The following FARS2 variants were observed in gnomAD, a reference collection of about 807,000 sequenced individuals.
FARS2 encodes phenylalanyl-tRNA synthetase 2, mitochondrial.
FARS2 carries 40 observed loss-of-function variants against 46.4 expected under a neutral mutation model. That is an observed-to-expected ratio of 0.86 (90% CI 0.67 to 1.12). FARS2 has a LOEUF of 1.12. Among genes scored for constraint, FARS2 ranks in the 50% most tolerant of loss-of-function variants. The pLI, the probability that FARS2 is intolerant of heterozygous loss-of-function variation, is 0.00. For missense variants in FARS2, 513 were observed against 567.9 expected (o/e 0.90, Z 0.98); for synonymous variants, 234 against 214.9 (o/e 1.09, Z -0.78).
chr6:5,611,346 C>A (rs940434968), intron 5 of FARS2, among the ~76,000 whole-genome samples: 1 of 152,098 alleles, frequency 6.6e-6, no homozygotes, highest in Non-Finnish European at 1.5e-5. Context: ...TACAGAACGT[C>A]GGAAAGAGGT....
rs545865290 is a variant in FARS2 at position 5,354,809 on chromosome 6, G to A, written c.-21-13741G>A. ...ATTACAGGTGTGAGCCACCGCGCCCGGCCTATGCTAGTGGTTTTCAAGCCG... is the reference window on the plus strand; with the variant it reads ...ATTACAGGTGTGAGCCACCGCGCCCAGCCTATGCTAGTGGTTTTCAAGCCG... On this transcript the variant is annotated intron_variant, in intron 1 of 6. Coordinates refer to ENST00000274680, the MANE Select transcript of FARS2 (RefSeq NM_006567.5). 5.8e-4 allele frequency among the ~76,000 whole-genome samples: 88 copies of A among 152,086 alleles called. 1 individual carries two copies. In the South Asian group the frequency reaches 0.017, roughly 29 times the overall value.
intron 4 of FARS2, among the ~76,000 whole-genome samples, chr6:5,528,649 C>A (rs10458088): frequency 0.12 from 18,875 of 152,166 alleles, 1,260 homozygotes; most frequent in East Asian, 0.21. Flanking sequence ...ACATCCACTC[C>A]AGAGTTTGGA....
chr6:5,269,827 TAGA>T (rs1394051395), intron 1 of FARS2, among the ~76,000 whole-genome samples: 5 of 152,240 alleles, frequency 3.3e-5, no homozygotes, highest in African/African-American at 1.2e-4. Context: ...TTATTAACAA[TAGA>T]AGATATACAG....
chr6:5,407,043 TTATATATA>T (rs201074448), intron 3 of FARS2, among the ~76,000 whole-genome samples: 7 of 83,904 alleles, frequency 8.3e-5, no homozygotes, highest in East Asian at 4.9e-4. Context: ...AGGTGGCAAA[TTATATATA>T]TATATATATA....
chr6:5,339,166 T>A (rs557433235), intron 1 of FARS2, among the ~76,000 whole-genome samples: 3 of 152,196 alleles, frequency 2.0e-5, no homozygotes, highest in Non-Finnish European at 4.4e-5. Flanking sequence ...GCTATACTAC[T>A]CTGTCAGTAT....
intron 6 of FARS2, among the ~76,000 whole-genome samples, chr6:5,723,760 A>G (rs1760063690): frequency 6.6e-6 from 1 of 152,244 alleles, no homozygotes; most frequent in Non-Finnish European, 1.5e-5. Context: ...TTTATCTTAT[A>G]TGATTGTTCT....
intron 4 of FARS2, among the ~76,000 whole-genome samples, chr6:5,525,597 T>C (rs536859387): frequency 9.2e-5 from 14 of 152,302 alleles, no homozygotes; most frequent in African/African-American, 3.4e-4. Context: ...TAAAGAAAAC[T>C]GTGTGAGTGT....
chr6:5,269,494 AG>A (rs1765797467), intron 1 of FARS2, among the ~76,000 whole-genome samples: 1 of 151,770 alleles, frequency 6.6e-6, no homozygotes. Flanking sequence ...AAAAAAAAAA[AG>A]AGAAAAGAAG....
intron 4 of FARS2, among the ~76,000 whole-genome samples, chr6:5,454,652 T>A (rs1764726813): frequency 6.6e-6 from 1 of 152,158 alleles, no homozygotes; most frequent in Non-Finnish European, 1.5e-5. Context: ...CCTTGTTTTT[T>A]AAGGAATAAT....
At chr6:5,323,024 A>G (rs1222567340) in intron 1 of FARS2, among the ~76,000 whole-genome samples, 2 of 152,200 alleles carry the variant, frequency 1.3e-5, no homozygotes, top group Non-Finnish European at 2.9e-5. Context: ...TTTGGAAGCA[A>G]CTAATGCATT....
chr6:5,586,536 A>T (rs1773621755), intron 5 of FARS2, among the ~76,000 whole-genome samples: 1 of 152,174 alleles, frequency 6.6e-6, no homozygotes, highest in African/African-American at 2.4e-5. Flanking sequence ...CCCAGGGAGA[A>T]ATTCCACTTG....
intron 5 of FARS2, among the ~76,000 whole-genome samples, chr6:5,565,948 T>C (rs1329429652): frequency 1.3e-5 from 2 of 152,240 alleles, no homozygotes; most frequent in East Asian, 3.8e-4. Flanking sequence ...CCCCAATTCG[T>C]TTACATGAAA....
At chr6:5,399,274 A>G (rs1412011910) in intron 2 of FARS2, among the ~76,000 whole-genome samples, 1 of 151,458 alleles carries the variant, frequency 6.6e-6, no homozygotes, top group Non-Finnish European at 1.5e-5. Flanking sequence ...TCCCGGGTTC[A>G]AGTGATTCTC....
At chr6:5,274,139 A>G (rs74399236) in intron 1 of FARS2, among the ~76,000 whole-genome samples, 3,063 of 152,320 alleles carry the variant, frequency 0.02, 91 homozygotes, top group African/African-American at 0.07. Flanking sequence ...CTCCGTAGAC[A>G]AAGAGGAGCT....
chr6:5,254,164 A>T, the FARS2 span, among the ~76,000 whole-genome samples: 2 of 152,208 alleles, frequency 1.3e-5, no homozygotes, highest in Non-Finnish European at 2.9e-5. Flanking sequence ...GTCAACAGAA[A>T]CGGCCCAACT....
At chr6:5,322,529 A>G (rs2753253) in intron 1 of FARS2, among the ~76,000 whole-genome samples, 1 of 151,984 alleles carries the variant, frequency 6.6e-6, no homozygotes, top group Non-Finnish European at 1.5e-5. Flanking sequence ...CATTGGATGC[A>G]TTAAGTGAGG....
intron 6 of FARS2, among the ~76,000 whole-genome samples, chr6:5,620,709 A>G (rs902754076): frequency 6.6e-6 from 1 of 152,220 alleles, no homozygotes; most frequent in Admixed American, 6.5e-5. Context: ...TCCAGCAATC[A>G]GCACCAACTT....
chr6:5,275,309 C>G (rs1766261314), intron 1 of FARS2, among the ~76,000 whole-genome samples: 1 of 152,194 alleles, frequency 6.6e-6, no homozygotes, highest in African/African-American at 2.4e-5. Context: ...GTTACTTCTT[C>G]AGGGAATGTT....
chr6:5,431,579 A>G, intron 4 of FARS2: 1 of 499,488 alleles, frequency 2.0e-6, no homozygotes, highest in South Asian at 1.5e-5. Flanking sequence ...ATAGTGTCCC[A>G]AATTCAGCAA....
Sources: allele counts gnomAD v4.1 joint callset (sites outside exome capture counted in the v4.1 genomes callset), GRCh38; gene constraint gnomAD v4.1.1; transcripts MANE v1.5; gene names NCBI Gene and HGNC (gene_info 2026-07-23, HGNC 2026-07-21).